NSMCE1: variants seen among roughly 807,000 people sequenced by gnomAD.
NSMCE1 encodes the protein non-structural maintenance of chromosomes element 1 homolog.
Under a neutral mutation model 29.6 loss-of-function variants are expected in NSMCE1, and 18 were observed. The observed-to-expected ratio is 0.61, with a 90% CI of 0.42 to 0.90. The LOEUF (loss-of-function observed/expected upper bound fraction) is 0.90. NSMCE1 is among the 40% of genes least tolerant of loss of function. The pLI is 0.00. For synonymous variants in NSMCE1, 124 were observed against 133.4 expected (o/e 0.93, Z 0.49); for missense variants, 314 against 343.6 (o/e 0.91, Z 0.68).
At chr16:27,252,275 T>C (rs769951403) in intron 2 of NSMCE1, among the ~76,000 whole-genome samples, 33 of 151,982 alleles carry the variant, frequency 2.2e-4, no homozygotes, top group African/African-American at 5.6e-4. Context: ...CTCCCCAATA[T>C]CTGAGGAGAA....
intron 2 of NSMCE1, among the ~76,000 whole-genome samples, chr16:27,250,623 C>T (rs2084015855): frequency 6.6e-6 from 1 of 151,608 alleles, no homozygotes; most frequent in Non-Finnish European, 1.5e-5. Context: ...GAAACCCCAC[C>T]TCTACTAAAA....
At chr16:27,263,691 TAA>T (rs960155546) in intron 1 of NSMCE1, among the ~76,000 whole-genome samples, 1 of 152,204 alleles carries the variant, frequency 6.6e-6, no homozygotes, top group Non-Finnish European at 1.5e-5. Context: ...CTGCCAAACC[TAA>T]GTTTTTTTAA....
chr16:27,265,532 C>T (rs1003905886), intron 1 of NSMCE1, among the ~76,000 whole-genome samples: 13 of 152,214 alleles, frequency 8.5e-5, no homozygotes, highest in African/African-American at 2.9e-4. Context: ...GCATATCCCC[C>T]GAAATCTACT....
At chr16:27,259,017 T>C (rs2084123257) in intron 1 of NSMCE1, among the ~76,000 whole-genome samples, 1 of 152,132 alleles carries the variant, frequency 6.6e-6, no homozygotes. Context: ...CCCAAAGTGG[T>C]GGGATTACAG....
At chr16:27,241,307 C>CA (rs1166737232) in intron 2 of NSMCE1, 1 of 152,136 alleles carries the variant, frequency 6.6e-6, no homozygotes, top group African/African-American at 2.4e-5. Context: ...GAAATAACAG[C>CA]AAAAAATAAG....
At position 27,251,171 on chromosome 16, in the gene NSMCE1, TATATATATATATATATATAA is replaced by T. The variant is rs1209402757; in HGVS notation, c.136+6244_136+6263del. Among the ~76,000 whole-genome samples, 156 of 50,102 alleles carry T rather than the reference TATATATATATATATATATAA, an allele frequency of 3.1e-3. 1 individual carries two copies. The highest frequency in any genetic ancestry group is 0.029 in the African/African-American group (131 of 4,478). The allele number at this position is 50,102 out of a possible 152,430, so 32.9% of individuals were successfully genotyped here. A position where few individuals can be genotyped will look rare whatever the true frequency, so the allele number is the denominator to read the frequency against. ...TTTAATTATTTAAAATATATATATA[TATATATATATATATATATAA>T]ATATATATATATATATAAAACTCTG... is the stretch of plus-strand genomic sequence containing the variant. On this transcript the variant is annotated intron_variant, in intron 2 of 7. Coordinates refer to ENST00000361439, the MANE Select transcript of NSMCE1 (RefSeq NM_145080.4).
chr16:27,267,469 G>A lies in NSMCE1; in HGVS notation c.-12+1237C>T, dbSNP rs544975946. On this transcript the variant is annotated intron_variant, in intron 1 of 7. Transcript: ENST00000361439. ...ACAAGAGTTGGTGGCAGAGATAGAC[G>A]TGACCATACAACAGCACAGTTCCTG... Among the ~76,000 whole-genome samples the A allele has an allele frequency of 5.9e-5, 9 of 152,186 alleles. No individual in the cohort carries two copies. In the East Asian group the frequency reaches 1.5e-3, roughly 26 times the overall value.
chr16:27,230,033 G>A (rs1210873182), intron 5 of NSMCE1, among the ~76,000 whole-genome samples: 5 of 152,320 alleles, frequency 3.3e-5, no homozygotes, highest in South Asian at 2.1e-4. Flanking sequence ...TCTCCCAGGC[G>A]CCTCGCCACA....
At position 27,235,050 on chromosome 16, in the gene NSMCE1, A is replaced by G. The variant is rs183281228; in HGVS notation, c.258+128T>C. On this transcript the variant is annotated intron_variant, in intron 3 of 7. Coordinates refer to ENST00000361439, the MANE Select transcript of NSMCE1 (RefSeq NM_145080.4). Reference sequence around the variant, plus strand: ...TTTCTCCCTTTATTCCTAATATTCTATACATTTGGAGTGACTTCTTTGCAA... The same window carrying G: ...TTTCTCCCTTTATTCCTAATATTCTGTACATTTGGAGTGACTTCTTTGCAA... 4.2e-5 allele frequency: 33 copies of G among 791,608 alleles called. No homozygotes were observed. The African/African-American group carries it at 5.2e-4, about 12-fold the overall frequency. The allele number at this position is 791,608 out of a possible 1,614,324, so 49.0% of individuals were successfully genotyped here. A position where few individuals can be genotyped will look rare whatever the true frequency, so the allele number is the denominator to read the frequency against.
In NSMCE1 at chr16:27,225,086, G is replaced by T; in HGVS notation, c.*71C>A. On this transcript the variant is annotated 3_prime_UTR_variant, in exon 8 of 8. Coordinates refer to ENST00000361439, the MANE Select transcript of NSMCE1 (RefSeq NM_145080.4). ...CTCGCGTGGAACCTGAAACACGGAC[G>T]CCTTTCTTCCAAGAAGGGCTGTGGC... 2.4e-6 allele frequency: 2 copies of T among 834,178 alleles called. No homozygotes were observed. Among genetic ancestry groups the T allele is most frequent in the Non-Finnish European group, 4.0e-6 (2 of 495,386 alleles). The allele number at this position is 834,178 out of a possible 1,614,324, so 51.7% of individuals were successfully genotyped here. A position where few individuals can be genotyped will look rare whatever the true frequency, so the allele number is the denominator to read the frequency against.
chr16:27,237,623 G>C (rs1215462836), intron 2 of NSMCE1, among the ~76,000 whole-genome samples: 1 of 102,488 alleles, frequency 9.8e-6, no homozygotes, highest in Non-Finnish European at 1.8e-5. Context: ...TGACACTGGG[G>C]CAAGTCCCAC....
chr16:27,260,174 A>T (rs1042252449), intron 1 of NSMCE1, among the ~76,000 whole-genome samples: 3 of 152,224 alleles, frequency 2.0e-5, no homozygotes, highest in Non-Finnish European at 4.4e-5. Context: ...CTTTAAAAAA[A>T]AGTTTTTAAT....
intron 2 of NSMCE1, among the ~76,000 whole-genome samples, chr16:27,238,744 C>T (rs2083855864): frequency 6.6e-6 from 1 of 152,102 alleles, no homozygotes; most frequent in African/African-American, 2.4e-5. Flanking sequence ...GAGGTGGCTC[C>T]AGCCCAGAAG....
chr16:27,266,012 CATTTT>C (rs1329378732), intron 1 of NSMCE1, among the ~76,000 whole-genome samples: 3 of 152,100 alleles, frequency 2.0e-5, no homozygotes, highest in Non-Finnish European at 4.4e-5. Flanking sequence ...CATGAGTGTT[CATTTT>C]ATTTTTGTTC....
At chr16:27,256,641 G>A (rs556142830) in intron 2 of NSMCE1, among the ~76,000 whole-genome samples, 14 of 152,202 alleles carry the variant, frequency 9.2e-5, no homozygotes, top group South Asian at 2.1e-4. Context: ...ATGCTAATTC[G>A]ACTGATCTAT....
intron 5 of NSMCE1, among the ~76,000 whole-genome samples, chr16:27,228,661 C>T (rs1345487838): frequency 7.2e-6 from 1 of 139,048 alleles, no homozygotes. Flanking sequence ...CACCCTCTTC[C>T]ACCCTCCCCT....
intron 2 of NSMCE1, chr16:27,241,420 C>G (rs1321792577): frequency 1.3e-5 from 2 of 157,276 alleles, no homozygotes; most frequent in Non-Finnish European, 2.8e-5. Context: ...GAGGACAGGG[C>G]AGGGCAGGCC....
At chr16:27,243,252 G>A (rs1490270353) in intron 2 of NSMCE1, among the ~76,000 whole-genome samples, 1 of 152,158 alleles carries the variant, frequency 6.6e-6, no homozygotes, top group African/African-American at 2.4e-5. Context: ...ACCGTTCACC[G>A]TCTCCCAATT....
At position 27,225,111 on chromosome 16, in the gene NSMCE1, C is replaced by T. The variant is rs1190466960; in HGVS notation, c.*46G>A. The T allele has an allele frequency of 7.2e-6, 8 of 1,106,532 alleles. No individual in the cohort carries two copies. Among genetic ancestry groups the T allele is most frequent in the Non-Finnish European group, 1.1e-5 (8 of 734,668 alleles). 68.5% of individuals were successfully genotyped at this position (1,106,532 alleles called of 1,614,324 possible). ...GCCTTTCTTCCAAGAAGGGCTGTGG[C>T]GATCAGGCCACTCAAGGCAGCCAGC... On this transcript the variant is annotated 3_prime_UTR_variant, in exon 8 of 8. Coordinates refer to ENST00000361439, the MANE Select transcript of NSMCE1 (RefSeq NM_145080.4).
Sources: gnomAD v4.1 joint callset for allele counts (sites outside exome capture counted in the v4.1 genomes callset) on GRCh38, gnomAD v4.1.1 for gene constraint, MANE v1.5 for transcripts, NCBI Gene and HGNC (gene_info 2026-07-23, HGNC 2026-07-21) for gene names.